The following GRIK4 variants were observed in gnomAD, a reference collection of about 807,000 sequenced individuals.
The protein encoded by GRIK4 is glutamate receptor ionotropic, kainate 4.
GRIK4 carries 40 observed loss-of-function variants against 104.9 expected under a neutral mutation model. The ratio of observed to expected loss-of-function variants is 0.38; its 90% CI spans 0.30 to 0.50. GRIK4 has a LOEUF of 0.50. Among genes scored for constraint, GRIK4 ranks in the 20% least tolerant of loss-of-function variants. The probability of loss-of-function intolerance (pLI) is 0.93; values close to 1 mark genes in which losing one functional copy is unlikely to be tolerated. For missense variants in GRIK4, 1,047 were observed against 1,308.1 expected (o/e 0.80, Z 3.08); for synonymous variants, 485 against 524.9 (o/e 0.92, Z 1.04).
intron 13 of GRIK4, among the ~76,000 whole-genome samples, chr11:120,913,863 A>G (rs1483006050): frequency 6.6e-6 from 1 of 151,716 alleles, no homozygotes; most frequent in Non-Finnish European, 1.5e-5. Flanking sequence ...AACTAAAAAA[A>G]AAAAAAAAAA....
intron 1 of GRIK4, among the ~76,000 whole-genome samples, chr11:120,599,570 C>T (rs1003128821): frequency 6.6e-6 from 1 of 152,218 alleles, no homozygotes; most frequent in Non-Finnish European, 1.5e-5. Flanking sequence ...GATGTCTTGC[C>T]AGCTCCATCT....
At chr11:120,726,521 T>G (rs1196288909) in intron 3 of GRIK4, among the ~76,000 whole-genome samples, 2 of 152,192 alleles carry the variant, frequency 1.3e-5, no homozygotes, top group Non-Finnish European at 2.9e-5. Flanking sequence ...ATCACGTCCA[T>G]TGGCCAGAGC....
intron 1 of GRIK4, among the ~76,000 whole-genome samples, chr11:120,638,895 C>G (rs191840831): frequency 1.6e-3 from 236 of 152,184 alleles, no homozygotes; most frequent in African/African-American, 4.2e-3. Flanking sequence ...CTTACAAGAG[C>G]AGGGGTCAGG....
intron 19 of GRIK4, among the ~76,000 whole-genome samples, chr11:120,971,537 G>A (rs188470772): frequency 2.0e-5 from 3 of 152,220 alleles, no homozygotes; most frequent in Non-Finnish European, 4.4e-5. Flanking sequence ...AACAAACAGC[G>A]TGGTAAACTA....
chr11:120,731,957 C>T (rs774830565), intron 3 of GRIK4, among the ~76,000 whole-genome samples: 5 of 152,020 alleles, frequency 3.3e-5, no homozygotes, highest in Non-Finnish European at 7.4e-5. Context: ...TTTCCTAGTC[C>T]GGCTAAAGGT....
intron 9 of GRIK4, among the ~76,000 whole-genome samples, chr11:120,864,851 GA>G (rs1361014297): frequency 6.6e-6 from 1 of 152,192 alleles, no homozygotes; most frequent in Non-Finnish European, 1.5e-5. Context: ...CAGACAGGCT[GA>G]AAAGGCCACT....
At chr11:120,687,076 C>A (rs1032529014) in intron 3 of GRIK4, among the ~76,000 whole-genome samples, 4 of 152,284 alleles carry the variant, frequency 2.6e-5, no homozygotes, top group African/African-American at 9.6e-5. Context: ...GATAATGATA[C>A]CTTACATTTG....
intron 3 of GRIK4, among the ~76,000 whole-genome samples, chr11:120,733,377 T>G (rs56006545): frequency 5.2e-5 from 6 of 114,760 alleles, no homozygotes; most frequent in African/African-American, 2.0e-4. Context: ...TTTTCTGTTT[T>G]TTTTTGTGAT....
At chr11:120,723,570 A>C (rs56129109) in intron 3 of GRIK4, among the ~76,000 whole-genome samples, 18,723 of 152,238 alleles carry the variant, frequency 0.12, 1,482 homozygotes, top group Middle Eastern at 0.19. Context: ...AAGGTCACAC[A>C]GATGTACCCA....
chr11:120,775,333 A>C (rs1952022716), intron 3 of GRIK4, among the ~76,000 whole-genome samples: 1 of 152,172 alleles, frequency 6.6e-6, no homozygotes, highest in African/African-American at 2.4e-5. Flanking sequence ...GACGGGGAGG[A>C]GGAGGAAGGA....
chr11:120,784,023 C>G (rs945982106), intron 3 of GRIK4, among the ~76,000 whole-genome samples: 1 of 152,148 alleles, frequency 6.6e-6, no homozygotes, highest in Non-Finnish European at 1.5e-5. Flanking sequence ...GGTTCACACC[C>G]ACATCCTAGA....
At chr11:120,881,697 G>C (rs1285317004) in intron 11 of GRIK4, among the ~76,000 whole-genome samples, 3 of 152,182 alleles carry the variant, frequency 2.0e-5, no homozygotes, top group Non-Finnish European at 4.4e-5. Context: ...CTTTTGCTAG[G>C]AGGTCAGGCT....
In GRIK4 at chr11:120,797,535, C is replaced by A. The variant is rs1952543668; in HGVS notation, c.83-5158C>A. On this transcript the variant is annotated intron_variant, in intron 3 of 20. Coordinates refer to ENST00000527524, the MANE Select transcript of GRIK4 (RefSeq NM_014619.5). ...TGTCCCAAGAGTGCCTGAGCCTCCA[C>A]CTTGTCTTTGATGTCCACAGCTCTA... 2.0e-5 allele frequency among the ~76,000 whole-genome samples: 3 copies of A among 152,212 alleles called. No individual in the cohort carries two copies. In the South Asian group the frequency reaches 6.2e-4, roughly 32 times the overall value.
intron 13 of GRIK4, among the ~76,000 whole-genome samples, chr11:120,915,173 G>A (rs969619214): frequency 6.6e-6 from 1 of 152,058 alleles, no homozygotes; most frequent in Admixed American, 6.5e-5. Context: ...ACCTGGGAAG[G>A]GAGGAAATCC....
intron 13 of GRIK4, among the ~76,000 whole-genome samples, chr11:120,926,840 G>C (rs1943356541): frequency 6.6e-6 from 1 of 152,160 alleles, no homozygotes; most frequent in Non-Finnish European, 1.5e-5. Context: ...CAGGTAAACT[G>C]GTAAATAAAC....
intron 11 of GRIK4, among the ~76,000 whole-genome samples, chr11:120,893,833 T>A (rs559246403): frequency 6.6e-6 from 1 of 152,298 alleles, no homozygotes; most frequent in South Asian, 2.1e-4. Context: ...ATTTCCTAAC[T>A]GAGCATGGGC....
At chr11:120,681,296 G>A (rs907688561) in intron 3 of GRIK4, among the ~76,000 whole-genome samples, 5 of 151,990 alleles carry the variant, frequency 3.3e-5, no homozygotes, top group Non-Finnish European at 7.4e-5. Context: ...GGTGAGTCCT[G>A]GGCTCTGAGA....
chr11:120,672,591 C>T (rs1214487542), intron 3 of GRIK4, among the ~76,000 whole-genome samples: 1 of 152,062 alleles, frequency 6.6e-6, no homozygotes, highest in African/African-American at 2.4e-5. Flanking sequence ...CGTTTGTGTC[C>T]TCTCTTATTT....
intron 19 of GRIK4, among the ~76,000 whole-genome samples, chr11:120,974,671 C>T (rs941119771): frequency 6.6e-6 from 1 of 152,164 alleles, no homozygotes; most frequent in African/African-American, 2.4e-5. Context: ...AGTCTTTTTG[C>T]CAGGTCTTGC....
Sources: gnomAD v4.1 joint callset for allele counts (sites outside exome capture counted in the v4.1 genomes callset) on GRCh38, gnomAD v4.1.1 for gene constraint, MANE v1.5 for transcripts, NCBI Gene and HGNC (gene_info 2026-07-23, HGNC 2026-07-21) for gene names.